PDS5B: variants seen among roughly 807,000 people sequenced by gnomAD.
PDS5B encodes PDS5 cohesin associated factor B.
Under a neutral mutation model 184.1 loss-of-function variants are expected in PDS5B, and 51 were observed. The observed-to-expected ratio is 0.28, with a 90% confidence interval of 0.22 to 0.35. The LOEUF is 0.35. Ranked by LOEUF, PDS5B falls within the 10% of genes least tolerant of loss-of-function variation. The pLI, the probability that PDS5B is intolerant of heterozygous loss-of-function variation, is 1.00. For missense variants in PDS5B, 1,180 were observed against 1,723.3 expected, an observed-to-expected ratio of 0.68 and a Z score of 5.58; for synonymous variants, 566 against 569.2, an observed-to-expected ratio of 0.99 and a Z score of 0.08.
At chr13:32,702,355 G>T (rs1015677462) in intron 17 of PDS5B, among the ~76,000 whole-genome samples, 1 of 152,100 alleles carries the variant, frequency 6.6e-6, no homozygotes, top group African/African-American at 2.4e-5. Flanking sequence ...ACAAGAAGTA[G>T]AAGCCTCTAT....
intron 31 of PDS5B, among the ~76,000 whole-genome samples, chr13:32,766,742 T>C (rs1954599539): frequency 6.6e-6 from 1 of 152,202 alleles, no homozygotes; most frequent in Admixed American, 6.5e-5. Context: ...ACTCCCTCTG[T>C]TCTTAAAACA....
At chr13:32,634,679 G>A (rs1213539379) in intron 1 of PDS5B, among the ~76,000 whole-genome samples, 1 of 151,892 alleles carries the variant, frequency 6.6e-6, no homozygotes, top group Non-Finnish European at 1.5e-5. Context: ...CACCTCCAGG[G>A]TTCAAGCGAT....
At chr13:32,696,533 C>T (rs865836139) in intron 14 of PDS5B, among the ~76,000 whole-genome samples, 17 of 151,636 alleles carry the variant, frequency 1.1e-4, no homozygotes, top group African/African-American at 4.1e-4. Flanking sequence ...GGAGTTTTCC[C>T]TGTTCTTTCA....
rs759557140 is a variant in PDS5B at position 32,758,258 on chromosome 13, A to T, written c.3189+39A>T. 12 of 1,413,388 alleles carry T rather than the reference A, an allele frequency of 8.5e-6. No individual in the cohort carries two copies. The East Asian group carries it at 3.0e-4, about 35-fold the overall frequency. The allele number at this position is 1,413,388 out of a possible 1,614,324, so 87.6% of individuals were successfully genotyped here. A position where few individuals can be genotyped will look rare whatever the true frequency, so the allele number is the denominator to read the frequency against. ...TGTAAATAATTATGGTTCCATATTG[A>T]TTTAAAAATTTAGGTGTAAAGTATG... is the stretch of plus-strand genomic sequence containing the variant. On this transcript the variant is annotated intron_variant, in intron 27 of 34. Coordinates refer to ENST00000315596, the MANE Select transcript of PDS5B (RefSeq NM_015032.4).
At chr13:32,722,186 C>G (rs961996564) in intron 19 of PDS5B, among the ~76,000 whole-genome samples, 2 of 152,200 alleles carry the variant, frequency 1.3e-5, no homozygotes, top group African/African-American at 2.4e-5. Flanking sequence ...GAAACCCCGT[C>G]TCCACCAAAA....
chr13:32,737,198 TC>T (rs11363418), intron 21 of PDS5B, among the ~76,000 whole-genome samples: 152,308 of 152,308 alleles, frequency 1, 76,154 homozygotes, highest in Non-Finnish European at 1. Context: ...GTTATATTCT[TC>T]CCAGAGTTTT....
At chr13:32,736,162 C>T (rs181659637) in intron 21 of PDS5B, among the ~76,000 whole-genome samples, 3 of 152,166 alleles carry the variant, frequency 2.0e-5, no homozygotes, top group East Asian at 1.9e-4. Context: ...TGCTCTTGTT[C>T]ACCCAGTTCT....
chr13:32,641,896 T>G (rs965125184), intron 1 of PDS5B, among the ~76,000 whole-genome samples: 8 of 152,144 alleles, frequency 5.3e-5, no homozygotes, highest in African/African-American at 1.7e-4. Flanking sequence ...TCTCTCTGGG[T>G]TTTCCCCCAT....
At chr13:32,604,190 C>A (rs1209125164) in intron 1 of PDS5B, among the ~76,000 whole-genome samples, 1 of 152,192 alleles carries the variant, frequency 6.6e-6, no homozygotes, top group Non-Finnish European at 1.5e-5. Flanking sequence ...TTTGCCCATT[C>A]AGTATGATAT....
At position 32,587,034 on chromosome 13, in the gene PDS5B, C is replaced by T. The variant is rs537727330; in HGVS notation, c.-20+441C>T. 4.8e-5 allele frequency among the ~76,000 whole-genome samples: 7 copies of T among 145,350 alleles called. No homozygotes were observed. The South Asian group carries it at 1.5e-3, about 31-fold the overall frequency. On this transcript the variant is annotated intron_variant, in intron 1 of 34. Transcript: ENST00000315596. ...CCGCCGCGCCCCTCCCCCCGCGCCC[C>T]GGCCGGCCGGCGGCTGTTTCCCGGG...
chr13:32,635,897 T>A (rs2058547326), intron 1 of PDS5B, among the ~76,000 whole-genome samples: 1 of 151,426 alleles, frequency 6.6e-6, no homozygotes, highest in African/African-American at 2.4e-5. Flanking sequence ...GCCTCCCGAG[T>A]AGCTGGGACT....
In PDS5B at chr13:32,625,771, T is replaced by TA. The variant is rs1229962393; in HGVS notation, c.-19-22971dup. Among the ~76,000 whole-genome samples the TA allele has an allele frequency of 1.6e-3, 211 of 135,488 alleles. 1 individual carries two copies. Among genetic ancestry groups the TA allele is most frequent in the African/African-American group, 2.9e-3 (107 of 37,226 alleles). The allele number at this position is 135,488 out of a possible 152,430, so 88.9% of individuals were successfully genotyped here. A position where few individuals can be genotyped will look rare whatever the true frequency, so the allele number is the denominator to read the frequency against. On this transcript the variant is annotated intron_variant, in intron 1 of 34. Transcript: ENST00000315596. Reference sequence around the variant, plus strand: ...ATTTATATACTGGGTTGTGTTGCAATAAAAAAAAAAAAGTTTGAAATGCAT... The same window carrying TA: ...ATTTATATACTGGGTTGTGTTGCAATAAAAAAAAAAAAAGTTTGAAATGCAT...
chr13:32,739,853 C>A (rs564720329), intron 21 of PDS5B, among the ~76,000 whole-genome samples: 1 of 152,098 alleles, frequency 6.6e-6, no homozygotes, highest in South Asian at 2.1e-4. Context: ...TATATTTTTC[C>A]ATCCCATAAT....
At chr13:32,701,558 C>T (rs1566346760) in intron 17 of PDS5B, 120 bp downstream of exon 17, 10 of 593,716 alleles carry the variant, frequency 1.7e-5, no homozygotes, top group Non-Finnish European at 2.4e-5. Context: ...GTGTACTCCT[C>T]TGTATATACT....
intron 2 of PDS5B, chr13:32,649,695 A>G (rs1950321045): frequency 6.6e-6 from 1 of 152,190 alleles, no homozygotes; most frequent in African/African-American, 2.4e-5. Context: ...ATAAAGAGAA[A>G]AAGATGCTAA....
chr13:32,593,263 G>A (rs970223142), intron 1 of PDS5B, among the ~76,000 whole-genome samples: 4 of 152,186 alleles, frequency 2.6e-5, no homozygotes, highest in Non-Finnish European at 4.4e-5. Context: ...CAGCGAAGGG[G>A]TTAGGGGCAC....
chr13:32,618,686 T>C (rs1645073500), intron 1 of PDS5B, among the ~76,000 whole-genome samples: 1 of 152,214 alleles, frequency 6.6e-6, no homozygotes, highest in African/African-American at 2.4e-5. Context: ...GTAAGATCTT[T>C]TATGGTTTAT....
intron 6 of PDS5B, among the ~76,000 whole-genome samples, chr13:32,664,844 C>CT (rs1392977169): frequency 9.0e-6 from 1 of 111,342 alleles, no homozygotes. Flanking sequence ...AAGTGAGACT[C>CT]TGTCTCAAAA....
chr13:32,705,116 C>A (rs1447542725), intron 17 of PDS5B, among the ~76,000 whole-genome samples: 3 of 152,062 alleles, frequency 2.0e-5, no homozygotes, highest in Non-Finnish European at 2.9e-5. Flanking sequence ...AACTTTTCTT[C>A]TTGTTGTGGC....
Sources: allele counts gnomAD v4.1 joint callset (sites outside exome capture counted in the v4.1 genomes callset), GRCh38; gene constraint gnomAD v4.1.1; transcripts MANE v1.5; gene names NCBI Gene and HGNC (gene_info 2026-07-23, HGNC 2026-07-21).